WRN: variants seen among roughly 807,000 people sequenced by gnomAD.
The protein encoded by WRN is bifunctional 3'-5' exonuclease/ATP-dependent helicase WRN.
In WRN, 149 loss-of-function variants were observed where a neutral mutation model predicts 180.7. The ratio of observed to expected loss-of-function variants is 0.82; its 90% CI spans 0.72 to 0.94. The LOEUF (loss-of-function observed/expected upper bound fraction) is 0.94. Ranked by LOEUF, WRN falls within the 40% of genes least tolerant of loss-of-function variation. The pLI is 0.00. For missense variants in WRN, 1,661 were observed against 1,700.1 expected, an observed-to-expected ratio of 0.98 and a Z score of 0.40; for synonymous variants, 548 against 568.9, an observed-to-expected ratio of 0.96 and a Z score of 0.52.
intron 7 of WRN, among the ~76,000 whole-genome samples, chr8:31,075,623 G>A (rs1813066520): frequency 1.3e-5 from 2 of 151,992 alleles, no homozygotes; most frequent in Non-Finnish European, 1.5e-5. Flanking sequence ...CGGGGGCTAG[G>A]GAATGAGAAT....
At chr8:31,119,281 GT>G (rs1481352255) in intron 20 of WRN, among the ~76,000 whole-genome samples, 3 of 151,696 alleles carry the variant, frequency 2.0e-5, no homozygotes, top group African/African-American at 7.3e-5. Flanking sequence ...TGTTCTTACA[GT>G]AAAAAACTTC....
At position 31,099,383 on chromosome 8, in the gene WRN, AAAGGAAGGAAGG is replaced by A. The variant is rs564093090; in HGVS notation, c.1982-1443_1982-1432del. Among the ~76,000 whole-genome samples, 53 of 147,318 alleles carry A rather than the reference AAAGGAAGGAAGG, an allele frequency of 3.6e-4. No homozygotes were observed. The East Asian group carries it at 4.8e-3, about 13-fold the overall frequency. ...TGCGCCACTGCACTTTAGCCTAAGA[AAAGGAAGGAAGG>A]AAGGAAGGAAGGAAGGAAGGAAAAA... On this transcript the variant is annotated intron_variant, in intron 17 of 34. Transcript: ENST00000298139.
chr8:31,091,014 T>C (rs1211862089), intron 15 of WRN, 72 bp downstream of exon 15: 4 of 1,152,694 alleles, frequency 3.5e-6, no homozygotes, highest in South Asian at 2.4e-5. Context: ...TGATCCATCA[T>C]GCATGTTAAA....
intron 33 of WRN, among the ~76,000 whole-genome samples, chr8:31,163,692 A>G: frequency 6.6e-6 from 1 of 152,294 alleles, no homozygotes; most frequent in East Asian, 1.9e-4. Flanking sequence ...AATCAAGCAG[A>G]ATATAATAAT....
intron 17 of WRN, among the ~76,000 whole-genome samples, chr8:31,099,914 C>A (rs1479320994): frequency 1.3e-5 from 2 of 152,052 alleles, no homozygotes; most frequent in East Asian, 3.8e-4. Context: ...ACTTGGAAAG[C>A]TTAAGTAACT....
At chr8:31,040,620 C>T (rs372482461) in intron 1 of WRN, among the ~76,000 whole-genome samples, 5 of 152,080 alleles carry the variant, frequency 3.3e-5, no homozygotes, top group African/African-American at 7.2e-5. Flanking sequence ...CTCAGATGAG[C>T]GTTGAGAATT....
chr8:31,068,131 A>T (rs186488446), intron 6 of WRN, 127 bp from the exon 7 acceptor site: 5 of 689,836 alleles, frequency 7.2e-6, no homozygotes. Flanking sequence ...TTTGTGTCAC[A>T]TAATAGGTTG....
At chr8:31,140,635 A>G (rs972169651) in intron 24 of WRN, among the ~76,000 whole-genome samples, 3 of 152,260 alleles carry the variant, frequency 2.0e-5, no homozygotes, top group Non-Finnish European at 2.9e-5. Flanking sequence ...ATGATTAAGT[A>G]AACTTTGCAG....
chr8:31,104,902 G>A (rs73228694), intron 18 of WRN, among the ~76,000 whole-genome samples: 23,403 of 152,070 alleles, frequency 0.15, 1,988 homozygotes, highest in South Asian at 0.25. Context: ...TAGTAGCGAG[G>A]CAATGGTGCC....
At chr8:31,101,403 A>T (rs1814225959) in intron 18 of WRN, among the ~76,000 whole-genome samples, 1 of 152,176 alleles carries the variant, frequency 6.6e-6, no homozygotes, top group African/African-American at 2.4e-5. Context: ...TTCTTGTATC[A>T]CATTGAAAAC....
chr8:31,089,081 T>C (rs1813647080), intron 13 of WRN, 116 bp downstream of exon 13: 1 of 801,464 alleles, frequency 1.2e-6, no homozygotes, highest in Non-Finnish European at 2.1e-6. Flanking sequence ...TAGTTATACA[T>C]GCCACACTGT....
chr8:31,083,202 A>G (rs1321411405), intron 9 of WRN, among the ~76,000 whole-genome samples: 1 of 152,194 alleles, frequency 6.6e-6, no homozygotes, highest in Non-Finnish European at 1.5e-5. Context: ...CATCTCTGAC[A>G]TTATTTTTCA....
intron 18 of WRN, among the ~76,000 whole-genome samples, chr8:31,111,227 T>G (rs1344408346): frequency 6.6e-6 from 1 of 152,136 alleles, no homozygotes; most frequent in Non-Finnish European, 1.5e-5. Context: ...TCATTTGTAA[T>G]TATACATTAA....
intron 13 of WRN, among the ~76,000 whole-genome samples, chr8:31,089,350 G>A (rs895066752): frequency 1.3e-5 from 2 of 151,910 alleles, no homozygotes; most frequent in African/African-American, 4.8e-5. Context: ...ACAATTTGAG[G>A]AATAGTGATA....
intron 16 of WRN, 125 bp from the exon 17 acceptor site, chr8:31,096,643 T>C: frequency 1.3e-6 from 1 of 774,258 alleles, no homozygotes; most frequent in Non-Finnish European, 2.1e-6. Context: ...TAAAGTATTA[T>C]TTAAACTTTC....
chr8:31,090,069 C>T (rs938364676), intron 13 of WRN, among the ~76,000 whole-genome samples: 4 of 151,644 alleles, frequency 2.6e-5, no homozygotes, highest in Admixed American at 2.0e-4. Context: ...CATGTGCATA[C>T]CCATGTAACC....
chr8:31,081,214 A>G lies in WRN; in HGVS notation c.1187A>G (p.Asp396Gly), dbSNP rs755298910. ...GAAAGAGCTTGTTTGATGTCGTTAG[A>G]TATTACAGAACATGAACTCCAAATT... ...NMERACLMSL[D>G]ITEHELQILE... Residue 396 changes from aspartate to glycine, a missense_variant, in exon 9 of 35, where the codon GAT becomes GGT. By Grantham distance (94) the Asp-to-Gly change is moderately conservative (BLOSUM62 -1). Around this residue, in one of 3 missense-constraint regions of WRN, gnomAD observed 500 missense variants for 504.1 expected, o/e 0.99. Coordinates refer to ENST00000298139, the MANE Select transcript of WRN (RefSeq NM_000553.6). The G allele has an allele frequency of 1.4e-5, 23 of 1,613,678 alleles. No homozygotes were observed. Among genetic ancestry groups the G allele is most frequent in the South Asian group, 7.7e-5 (7 of 91,036 alleles).
intron 3 of WRN, among the ~76,000 whole-genome samples, chr8:31,059,761 A>C (rs1468901895): frequency 6.6e-6 from 1 of 152,176 alleles, no homozygotes; most frequent in Non-Finnish European, 1.5e-5. Context: ...AAAATGTTCT[A>C]ACTAAACATT....
chr8:31,167,586 TACC>T (rs1395073155), intron 34 of WRN, among the ~76,000 whole-genome samples: 24 of 152,248 alleles, frequency 1.6e-4, no homozygotes, highest in Non-Finnish European at 2.9e-5. Flanking sequence ...GTATTATAAA[TACC>T]TCCCAAACTG....
Sources: allele counts gnomAD v4.1 joint callset (sites outside exome capture counted in the v4.1 genomes callset), GRCh38; gene constraint gnomAD v4.1.1; regional missense constraint gnomAD v4.1.1; transcripts MANE v1.5; gene names NCBI Gene and HGNC (gene_info 2026-07-23, HGNC 2026-07-21).